ABTB3: variants seen among roughly 807,000 people sequenced by gnomAD.
ABTB3 encodes the protein ankyrin repeat and BTB domain containing 3, also known as ankyrin repeat- and BTB/POZ domain-containing protein 3.
At chr12:107,409,023 C>T in the ABTB3 span, among the ~76,000 whole-genome samples, 1 of 152,246 alleles carries the variant, frequency 6.6e-6, no homozygotes, top group African/African-American at 2.4e-5. Context: ...AGGCTTCCCC[C>T]AGAAAGGGAC....
At chr12:107,604,382 G>C in the ABTB3 span, among the ~76,000 whole-genome samples, 1 of 152,126 alleles carries the variant, frequency 6.6e-6, no homozygotes, top group Non-Finnish European at 1.5e-5. Context: ...GGGAGGCAGA[G>C]GCTGCAGTGA....
At chr12:107,433,260 G>A in the ABTB3 span, among the ~76,000 whole-genome samples, 10 of 128,924 alleles carry the variant, frequency 7.8e-5, no homozygotes, top group East Asian at 2.3e-4. Context: ...ACTGCAGTCC[G>A]CAGTCCGGCC....
At chr12:107,459,859 C>T in the ABTB3 span, among the ~76,000 whole-genome samples, 2 of 152,240 alleles carry the variant, frequency 1.3e-5, no homozygotes, top group Admixed American at 6.5e-5. Flanking sequence ...TCCAGAGTGC[C>T]CCCTACAGCC....
chr12:107,606,899 A>T, the ABTB3 span, among the ~76,000 whole-genome samples: 1 of 152,110 alleles, frequency 6.6e-6, no homozygotes, highest in Non-Finnish European at 1.5e-5. Context: ...AGCCTCTGTG[A>T]TGTGTGCTCT....
chr12:107,357,484 A>T, the ABTB3 span, among the ~76,000 whole-genome samples: 29 of 152,094 alleles, frequency 1.9e-4, no homozygotes, highest in Non-Finnish European at 3.2e-4. Flanking sequence ...GGTAGCATGC[A>T]CCTGTAGTCT....
chr12:107,461,631 G>A, the ABTB3 span, among the ~76,000 whole-genome samples: 5 of 143,298 alleles, frequency 3.5e-5, no homozygotes, highest in Non-Finnish European at 6.2e-5. Flanking sequence ...CGGCTCTTGT[G>A]GTTTCTGAAT....
At chr12:107,409,054 G>A in the ABTB3 span, among the ~76,000 whole-genome samples, 7 of 152,218 alleles carry the variant, frequency 4.6e-5, no homozygotes, top group African/African-American at 1.4e-4. Context: ...ATCTTTAAAG[G>A]AAGAGTCAGC....
At chr12:107,411,301 C>A in the ABTB3 span, among the ~76,000 whole-genome samples, 2 of 151,988 alleles carry the variant, frequency 1.3e-5, no homozygotes, top group Non-Finnish European at 2.9e-5. Context: ...TCCGTCTCCC[C>A]CCTCCAAAAA....
chr12:107,607,866 T>G, the ABTB3 span, among the ~76,000 whole-genome samples: 26 of 152,220 alleles, frequency 1.7e-4, no homozygotes, highest in South Asian at 5.4e-3. Context: ...CGCATCCACT[T>G]CTTGGGGCTC....
chr12:107,520,500 A>G, the ABTB3 span: 1 of 1,614,106 alleles, frequency 6.2e-7, no homozygotes, highest in East Asian at 2.2e-5. Flanking sequence ...TGCTGTGCCT[A>G]CCAGACAGCC....
At chr12:107,432,606 A>G in the ABTB3 span, among the ~76,000 whole-genome samples, 1 of 152,316 alleles carries the variant, frequency 6.6e-6, no homozygotes, top group East Asian at 1.9e-4. Flanking sequence ...GAGGTGTCTA[A>G]TAAGAGATGT....
the ABTB3 span, among the ~76,000 whole-genome samples, chr12:107,397,867 G>A: frequency 6.6e-6 from 1 of 152,122 alleles, no homozygotes; most frequent in Non-Finnish European, 1.5e-5. Flanking sequence ...GTAGCCCATC[G>A]TTTCCACGGT....
the ABTB3 span, among the ~76,000 whole-genome samples, chr12:107,460,448 A>G: frequency 6.6e-6 from 1 of 152,256 alleles, no homozygotes; most frequent in African/African-American, 2.4e-5. Context: ...TGAGTGCAGG[A>G]GTTCGAGACC....
At chr12:107,387,167 AG>A in the ABTB3 span, among the ~76,000 whole-genome samples, 1 of 151,934 alleles carries the variant, frequency 6.6e-6, no homozygotes, top group Non-Finnish European at 1.5e-5. Context: ...TAGTAGAGAC[AG>A]GGTTTCACCA....
At chr12:107,594,359 G>A in the ABTB3 span, among the ~76,000 whole-genome samples, 2 of 152,134 alleles carry the variant, frequency 1.3e-5, no homozygotes, top group Non-Finnish European at 2.9e-5. Context: ...GAATTGGCAG[G>A]GAGGAGGACT....
chr12:107,475,234 A>C, the ABTB3 span, among the ~76,000 whole-genome samples: 1 of 152,180 alleles, frequency 6.6e-6, no homozygotes, highest in African/African-American at 2.4e-5. Flanking sequence ...CAGTCTTTGC[A>C]TGCTCATGGG....
At chr12:107,637,764 G>C in the ABTB3 span, among the ~76,000 whole-genome samples, 3 of 151,002 alleles carry the variant, frequency 2.0e-5, no homozygotes, top group Non-Finnish European at 4.4e-5. Flanking sequence ...TGGGGACTGT[G>C]GCAAATCGGA....
the ABTB3 span, among the ~76,000 whole-genome samples, chr12:107,381,187 T>C: frequency 6.6e-6 from 1 of 152,202 alleles, no homozygotes; most frequent in Non-Finnish European, 1.5e-5. Flanking sequence ...TTTCCTCTAT[T>C]AGAAAGATAG....
the ABTB3 span, among the ~76,000 whole-genome samples, chr12:107,565,028 A>T: frequency 6.6e-6 from 1 of 152,240 alleles, no homozygotes; most frequent in Non-Finnish European, 1.5e-5. Flanking sequence ...ATATAACTAG[A>T]TTTGAGCAAA....
Sources: allele counts gnomAD v4.1 joint callset (sites outside exome capture counted in the v4.1 genomes callset), GRCh38; gene constraint gnomAD v4.1.1; transcripts MANE v1.5; gene names NCBI Gene and HGNC (gene_info 2026-07-23, HGNC 2026-07-21).